CSMD1: variants seen among roughly 807,000 people sequenced by gnomAD.
CSMD1 encodes the protein CUB and Sushi multiple domains 1.
Under a neutral mutation model 417.5 loss-of-function variants are expected in CSMD1, and 213 were observed. The ratio of observed to expected loss-of-function variants is 0.51; its 90% CI spans 0.46 to 0.57. The LOEUF (loss-of-function observed/expected upper bound fraction) is 0.57. Among genes scored for constraint, CSMD1 ranks in the 20% least tolerant of loss-of-function variants. CSMD1 has a pLI of 0.00. For synonymous variants in CSMD1, 2,862 were observed against 1,736.8 expected, an observed-to-expected ratio of 1.65 and a Z score of -16.11; for missense variants, 6,923 against 4,529.7, an observed-to-expected ratio of 1.53 and a Z score of -15.17.
chr8:4,367,027 T>C (rs1802114371), intron 3 of CSMD1, among the ~76,000 whole-genome samples: 1 of 152,230 alleles, frequency 6.6e-6, no homozygotes, highest in South Asian at 2.1e-4. Flanking sequence ...CTTCTTTTGC[T>C]GTGCAGAAGC....
chr8:4,429,563 G>C (rs1401320653), intron 2 of CSMD1, among the ~76,000 whole-genome samples: 2 of 152,106 alleles, frequency 1.3e-5, no homozygotes, highest in Non-Finnish European at 2.9e-5. Context: ...CATTACAGAA[G>C]GATTTGGTCC....
chr8:3,762,598 G>T (rs1798068147), intron 5 of CSMD1, among the ~76,000 whole-genome samples: 1 of 152,222 alleles, frequency 6.6e-6, no homozygotes, highest in Non-Finnish European at 1.5e-5. Flanking sequence ...AACATGGGAA[G>T]CCCATGACTT....
chr8:3,492,528 G>A (rs1256209535), intron 11 of CSMD1, among the ~76,000 whole-genome samples: 1 of 152,034 alleles, frequency 6.6e-6, no homozygotes, highest in African/African-American at 2.4e-5. Context: ...CTGTGGAGTT[G>A]CAAAGGCAGA....
At chr8:3,986,053 C>T (rs914362385) in intron 5 of CSMD1, among the ~76,000 whole-genome samples, 9 of 152,060 alleles carry the variant, frequency 5.9e-5, no homozygotes, top group Non-Finnish European at 1.3e-4. Flanking sequence ...TTTTCCTCTT[C>T]ATTATATGAA....
At chr8:4,870,281 T>C (rs989428901) in intron 1 of CSMD1, among the ~76,000 whole-genome samples, 1 of 152,112 alleles carries the variant, frequency 6.6e-6, no homozygotes, top group African/African-American at 2.4e-5. Context: ...ACTTTTTATA[T>C]ATGGGTAAAA....
intron 4 of CSMD1, among the ~76,000 whole-genome samples, chr8:4,014,326 T>C (rs1007462837): frequency 3.9e-4 from 59 of 152,304 alleles, no homozygotes; most frequent in African/African-American, 1.3e-3. Flanking sequence ...ATTCATCACA[T>C]TCAATTATAG....
At chr8:3,738,036 C>T (rs970351631) in intron 6 of CSMD1, among the ~76,000 whole-genome samples, 1 of 152,168 alleles carries the variant, frequency 6.6e-6, no homozygotes, top group Admixed American at 6.5e-5. Context: ...GTCTCCCTTT[C>T]TGGTGTCTGT....
At chr8:3,529,556 G>C (rs1197499666) in intron 10 of CSMD1, among the ~76,000 whole-genome samples, 1 of 152,136 alleles carries the variant, frequency 6.6e-6, no homozygotes, top group African/African-American at 2.4e-5. Context: ...CCTTTTCCAA[G>C]ACCACACAAT....
intron 7 of CSMD1, among the ~76,000 whole-genome samples, chr8:3,689,721 C>T (rs58883924): frequency 0.29 from 44,206 of 151,740 alleles, 7,252 homozygotes; most frequent in South Asian, 0.41. Context: ...TAATCAATCC[C>T]TTTTTAGTGA....
At chr8:4,415,678 T>C (rs1796894829) in intron 3 of CSMD1, among the ~76,000 whole-genome samples, 1 of 152,210 alleles carries the variant, frequency 6.6e-6, no homozygotes, top group Non-Finnish European at 1.5e-5. Flanking sequence ...GTGTCTCTGG[T>C]AGAGGCCCCG....
chr8:3,882,840 G>C (rs544318227), intron 5 of CSMD1, among the ~76,000 whole-genome samples: 2 of 152,188 alleles, frequency 1.3e-5, no homozygotes, highest in Non-Finnish European at 2.9e-5. Context: ...AGTCAATGCT[G>C]TCAGAAGCCA....
intron 3 of CSMD1, among the ~76,000 whole-genome samples, chr8:4,419,362 G>A (rs571596651): frequency 6.6e-6 from 1 of 152,068 alleles, no homozygotes; most frequent in Admixed American, 6.6e-5. Flanking sequence ...CTTTTCCAAA[G>A]TTCTATCTCT....
At chr8:3,333,669 T>G (rs1324023152) in intron 23 of CSMD1, among the ~76,000 whole-genome samples, 15 of 152,170 alleles carry the variant, frequency 9.9e-5, no homozygotes, top group Admixed American at 7.2e-4. Flanking sequence ...AGGCTGAATA[T>G]TTCCTTATTT....
At position 3,080,512 on chromosome 8, in the gene CSMD1, C is replaced by G. The variant is rs563964448; in HGVS notation, c.7474+6585G>C. Among the ~76,000 whole-genome samples the G allele has an allele frequency of 2.6e-5, 4 of 152,322 alleles. No individual in the cohort carries two copies. The South Asian group carries it at 6.2e-4, about 24-fold the overall frequency. ...ACATTTTGCCGGCTCCATCTTCTCA[C>G]TCACAGACAATTGGTAGCGAAACTT... On this transcript the variant is annotated intron_variant, in intron 49 of 69. Coordinates refer to ENST00000635120, the MANE Select transcript of CSMD1 (RefSeq NM_033225.6).
At chr8:3,932,252 C>G (rs1277935648) in intron 5 of CSMD1, among the ~76,000 whole-genome samples, 1 of 150,474 alleles carries the variant, frequency 6.6e-6, no homozygotes, top group African/African-American at 2.4e-5. Flanking sequence ...GCAGGAAAAT[C>G]GACGAAAGTA....
At chr8:4,557,670 G>A (rs1480586560) in intron 2 of CSMD1, among the ~76,000 whole-genome samples, 4 of 151,944 alleles carry the variant, frequency 2.6e-5, no homozygotes, top group African/African-American at 4.8e-5. Flanking sequence ...AAGAAAGGAA[G>A]CAAGGAAGAA....
At chr8:3,723,603 G>A (rs1429694450) in intron 6 of CSMD1, among the ~76,000 whole-genome samples, 2 of 152,116 alleles carry the variant, frequency 1.3e-5, no homozygotes, top group Non-Finnish European at 2.9e-5. Flanking sequence ...TGAAATTCGG[G>A]TTTTCAAGAA....
intron 3 of CSMD1, among the ~76,000 whole-genome samples, chr8:4,221,565 G>C (rs977435609): frequency 1.3e-5 from 2 of 152,126 alleles, no homozygotes; most frequent in Non-Finnish European, 2.9e-5. Context: ...GGCCTCAGAT[G>C]TGTGTCAAAA....
At chr8:4,561,028 C>T (rs946232603) in intron 2 of CSMD1, among the ~76,000 whole-genome samples, 1 of 152,188 alleles carries the variant, frequency 6.6e-6, no homozygotes, top group South Asian at 2.1e-4. Context: ...ATATTCAACC[C>T]ATACCAATCC....
Sources: gnomAD v4.1 joint callset for allele counts (sites outside exome capture counted in the v4.1 genomes callset) on GRCh38, gnomAD v4.1.1 for gene constraint, MANE v1.5 for transcripts, NCBI Gene and HGNC (gene_info 2026-07-23, HGNC 2026-07-21) for gene names.